Variants in CACNA2D3 observed in about 807,000 individuals in gnomAD.
CACNA2D3 encodes the protein voltage-dependent calcium channel subunit alpha-2/delta-3.
In CACNA2D3, 60 loss-of-function variants were observed where a neutral mutation model predicts 160.6. The ratio of observed to expected loss-of-function variants is 0.37; its 90% CI spans 0.30 to 0.46. CACNA2D3 has a LOEUF of 0.46. Ranked by LOEUF, CACNA2D3 falls within the 20% of genes least tolerant of loss-of-function variation. CACNA2D3 has a pLI of 1.00. For missense variants in CACNA2D3, 1,205 were observed against 1,365.0 expected, an observed-to-expected ratio of 0.88 and a Z score of 1.85; for synonymous variants, 558 against 492.9, an observed-to-expected ratio of 1.13 and a Z score of -1.75.
intron 11 of CACNA2D3, among the ~76,000 whole-genome samples, chr3:54,681,083 C>T (rs1459431636): frequency 6.6e-6 from 1 of 151,556 alleles, no homozygotes; most frequent in Non-Finnish European, 1.5e-5. Flanking sequence ...TATGGAGTTC[C>T]CATTTTTAAA....
At chr3:54,717,662 A>G (rs567237832) in intron 11 of CACNA2D3, among the ~76,000 whole-genome samples, 6 of 107,618 alleles carry the variant, frequency 5.6e-5, no homozygotes, top group Non-Finnish European at 9.2e-5. Context: ...GTGCGTGTGT[A>G]TGCATGTGTG....
chr3:54,467,053 T>G (rs1381625923), intron 4 of CACNA2D3, among the ~76,000 whole-genome samples: 3 of 152,218 alleles, frequency 2.0e-5, no homozygotes, highest in African/African-American at 7.2e-5. Context: ...TATTTTTTGG[T>G]ATGTCGTCTT....
chr3:55,071,591 A>G (rs1704810916), intron 35 of CACNA2D3, among the ~76,000 whole-genome samples: 1 of 152,106 alleles, frequency 6.6e-6, no homozygotes, highest in Non-Finnish European at 1.5e-5. Context: ...CAGTACTCCC[A>G]TTGAGCAACT....
At chr3:54,989,885 A>G (rs1180237108) in intron 31 of CACNA2D3, among the ~76,000 whole-genome samples, 1 of 152,146 alleles carries the variant, frequency 6.6e-6, no homozygotes, top group Non-Finnish European at 1.5e-5. Context: ...GTGTTGGAGG[A>G]CCACAGTCCT....
chr3:54,283,551 T>C lies in CACNA2D3; in HGVS notation c.205-36891T>C, dbSNP rs182081252. 4.3e-3 allele frequency among the ~76,000 whole-genome samples: 648 copies of C among 152,344 alleles called. 2 individuals carry two copies. The highest frequency in any genetic ancestry group is 0.015 in the African/African-American group (625 of 41,574). ...TAATAACAAGAGGAAGAAATTGCTT[T>C]AGAGGCTTACTCTGTGTTTCTGGCT... is the stretch of plus-strand genomic sequence containing the variant. On this transcript the variant is annotated intron_variant, in intron 2 of 37. Transcript: ENST00000474759.
At chr3:54,958,761 G>T (rs926536485) in intron 27 of CACNA2D3, among the ~76,000 whole-genome samples, 2 of 151,852 alleles carry the variant, frequency 1.3e-5, no homozygotes, top group East Asian at 3.9e-4. Flanking sequence ...ATTGCCTGGG[G>T]ATGTTCTGTG....
chr3:54,311,877 A>G (rs558746187), intron 2 of CACNA2D3, among the ~76,000 whole-genome samples: 3 of 152,312 alleles, frequency 2.0e-5, no homozygotes, highest in African/African-American at 7.2e-5. Flanking sequence ...GCATAGTCCC[A>G]TCTTAAATGA....
At chr3:54,874,165 C>A (rs563736869) in intron 18 of CACNA2D3, among the ~76,000 whole-genome samples, 1 of 152,200 alleles carries the variant, frequency 6.6e-6, no homozygotes, top group East Asian at 1.9e-4. Context: ...TATACTGTTA[C>A]AATGTATATA....
At chr3:54,513,678 G>A (rs1293979903) in intron 5 of CACNA2D3, among the ~76,000 whole-genome samples, 1 of 151,924 alleles carries the variant, frequency 6.6e-6, no homozygotes, top group Non-Finnish European at 1.5e-5. Flanking sequence ...GTTTTTGTTT[G>A]TTTGTTTGTT....
chr3:54,593,452 T>G (rs1039975569), intron 9 of CACNA2D3, among the ~76,000 whole-genome samples: 1 of 150,734 alleles, frequency 6.6e-6, no homozygotes, highest in African/African-American at 2.4e-5. Flanking sequence ...GAGGGAAGAA[T>G]AAAGGAACAG....
At chr3:54,687,124 T>TTTCTTTTTCTTTTTC (rs1559549370) in intron 11 of CACNA2D3, among the ~76,000 whole-genome samples, 1 of 55,074 alleles carries the variant, frequency 1.8e-5, no homozygotes, top group African/African-American at 1.0e-4. Flanking sequence ...TCTTTTTCTT[T>TTTCTTTTTCTTTTTC]TTTTTTTTTT....
At chr3:54,901,578 AC>A (rs907359183) in intron 27 of CACNA2D3, among the ~76,000 whole-genome samples, 2 of 152,026 alleles carry the variant, frequency 1.3e-5, no homozygotes, top group Non-Finnish European at 2.9e-5. Flanking sequence ...AGTTTGGTCC[AC>A]CCTGAGTGGG....
At chr3:54,509,485 G>A (rs1364885153) in intron 5 of CACNA2D3, among the ~76,000 whole-genome samples, 1 of 152,164 alleles carries the variant, frequency 6.6e-6, no homozygotes, top group East Asian at 1.9e-4. Flanking sequence ...CTAATGGAAT[G>A]TGATGATGAT....
chr3:54,339,298 C>T (rs1042581079), intron 3 of CACNA2D3, among the ~76,000 whole-genome samples: 2 of 152,188 alleles, frequency 1.3e-5, no homozygotes, highest in Non-Finnish European at 2.9e-5. Flanking sequence ...CCTTGATATT[C>T]AGGGTTCCTC....
Position 54,960,636 on chromosome 3 carries a change from A to G in CACNA2D3, c.2450-7814A>G, listed in dbSNP as rs111453001. ...TCCCTTGCCTATAATCTTCTAAGAAAGCTTTTGAATTTGCCAGCCTGATAC... is the reference window on the plus strand; with the variant it reads ...TCCCTTGCCTATAATCTTCTAAGAAGGCTTTTGAATTTGCCAGCCTGATAC... On this transcript the variant is annotated intron_variant, in intron 27 of 37. Transcript: ENST00000474759. Among the ~76,000 whole-genome samples, 1,268 of 152,308 alleles carry G rather than the reference A, an allele frequency of 8.3e-3. 23 individuals carry two copies. Among genetic ancestry groups the G allele is most frequent in the African/African-American group, 0.029 (1,196 of 41,556 alleles).
intron 4 of CACNA2D3, among the ~76,000 whole-genome samples, chr3:54,454,649 A>G (rs1172010313): frequency 6.6e-6 from 1 of 152,128 alleles, no homozygotes; most frequent in East Asian, 1.9e-4. Flanking sequence ...ATATACAATA[A>G]ATTGTTAGTT....
intron 2 of CACNA2D3, among the ~76,000 whole-genome samples, chr3:54,211,790 T>C (rs1394903742): frequency 6.6e-6 from 1 of 152,234 alleles, no homozygotes; most frequent in Non-Finnish European, 1.5e-5. Flanking sequence ...GAAACTGTTA[T>C]TTAAAGATAT....
chr3:54,515,572 CT>C (rs1230389472), intron 5 of CACNA2D3, among the ~76,000 whole-genome samples: 2 of 152,200 alleles, frequency 1.3e-5, no homozygotes, highest in Admixed American at 1.3e-4. Context: ...TAAGTTGTTT[CT>C]GGCAGTCAGT....
intron 27 of CACNA2D3, among the ~76,000 whole-genome samples, chr3:54,956,659 C>G (rs1380693963): frequency 6.6e-6 from 1 of 152,146 alleles, no homozygotes; most frequent in African/African-American, 2.4e-5. Flanking sequence ...AACTCTACCT[C>G]CAGATTAGGT....
Sources: allele counts gnomAD v4.1 joint callset (sites outside exome capture counted in the v4.1 genomes callset), GRCh38; gene constraint gnomAD v4.1.1; transcripts MANE v1.5; gene names NCBI Gene and HGNC (gene_info 2026-07-23, HGNC 2026-07-21).